KCNB2: variants seen among roughly 807,000 people sequenced by gnomAD.
The protein encoded by KCNB2 is potassium voltage-gated channel subfamily B member 2, also known as delayed rectifier potassium channel protein.
In KCNB2, 15 loss-of-function variants were observed where a neutral mutation model predicts 61.5. That is an observed-to-expected ratio of 0.24 (90% confidence interval 0.16 to 0.38). KCNB2 has a LOEUF of 0.38. KCNB2 is among the 10% of genes least tolerant of loss of function. KCNB2 has a pLI of 1.00. For synonymous variants in KCNB2, 457 were observed against 446.0 expected (o/e 1.02, Z -0.31); for missense variants, 828 against 1,125.2 (o/e 0.74, Z 3.78).
chr8:72,762,782 T>C (rs1007757017), intron 2 of KCNB2, among the ~76,000 whole-genome samples: 2 of 151,840 alleles, frequency 1.3e-5, no homozygotes, highest in African/African-American at 4.8e-5. Flanking sequence ...GCTCAATAAT[T>C]TGATGTTTCT....
At chr8:72,930,519 G>A (rs1463000908) in intron 2 of KCNB2, among the ~76,000 whole-genome samples, 1 of 152,134 alleles carries the variant, frequency 6.6e-6, no homozygotes, top group Non-Finnish European at 1.5e-5. Context: ...TTTCATTGTG[G>A]TTTTGATTTG....
At chr8:72,868,827 C>A (rs1035144363) in intron 2 of KCNB2, among the ~76,000 whole-genome samples, 6 of 152,008 alleles carry the variant, frequency 3.9e-5, no homozygotes, top group Non-Finnish European at 7.4e-5. Context: ...CACGTGTGGG[C>A]CATAGGTGCA....
chr8:72,911,175 C>T (rs1487055049), intron 2 of KCNB2, among the ~76,000 whole-genome samples: 1 of 152,166 alleles, frequency 6.6e-6, no homozygotes, highest in Admixed American at 6.5e-5. Flanking sequence ...AGCAGGAATT[C>T]CGACAACAGT....
chr8:72,813,973 A>G (rs1311414893), intron 2 of KCNB2, among the ~76,000 whole-genome samples: 1 of 152,130 alleles, frequency 6.6e-6, no homozygotes, highest in African/African-American at 2.4e-5. Context: ...CATCATTTAC[A>G]TTAGGTATTT....
chr8:72,691,360 T>A (rs1315793505), intron 2 of KCNB2, among the ~76,000 whole-genome samples: 1 of 152,200 alleles, frequency 6.6e-6, no homozygotes, highest in Non-Finnish European at 1.5e-5. Context: ...AAAAGAAAAG[T>A]CTTACGTACT....
chr8:72,617,933 G>C lies in KCNB2; in HGVS notation c.579+49620G>C, dbSNP rs191037196. 1.1e-4 allele frequency among the ~76,000 whole-genome samples: 16 copies of C among 152,256 alleles called. No homozygotes were observed. The East Asian group carries it at 3.1e-3, about 29-fold the overall frequency. On this transcript the variant is annotated intron_variant, in intron 2 of 2. Coordinates refer to ENST00000523207, the MANE Select transcript of KCNB2 (RefSeq NM_004770.3). ...CGGCGTCTGAAGCTCTTTAGTGAGG[G>C]TTATAACTATGTGGTGGAACGACTT...
intron 1 of KCNB2, among the ~76,000 whole-genome samples, chr8:72,543,610 A>G (rs1056773544): frequency 8.5e-5 from 13 of 152,356 alleles, no homozygotes; most frequent in African/African-American, 2.9e-4. Context: ...AGCACCTTCT[A>G]TCATTCCTAG....
intron 2 of KCNB2, among the ~76,000 whole-genome samples, chr8:72,920,467 A>ATATGTGTGTGTG (rs1333914273): frequency 1.5e-4 from 13 of 88,636 alleles, no homozygotes; most frequent in South Asian, 3.5e-4. Context: ...CTATCTATCT[A>ATATGTGTGTGTG]TCTATCTATA....
chr8:72,605,325 G>A lies in KCNB2; in HGVS notation c.579+37012G>A, dbSNP rs529126750. On this transcript the variant is annotated intron_variant, in intron 2 of 2. Transcript: ENST00000523207. Reference sequence around the variant, plus strand: ...CTGGTTATGTCTGGGCTACACTGGGGGCTCCACACTAGACATCATTAGGGG... The same window carrying A: ...CTGGTTATGTCTGGGCTACACTGGGAGCTCCACACTAGACATCATTAGGGG... Among the ~76,000 whole-genome samples, 11 of 152,272 alleles carry A rather than the reference G, an allele frequency of 7.2e-5. No homozygotes were observed. In the South Asian group the frequency reaches 2.3e-3, roughly 32 times the overall value.
Position 72,936,516 on chromosome 8 carries a change from T to C in KCNB2, c.1161T>C (p.Ile387=), listed in dbSNP as rs768976324. The C allele has an allele frequency of 6.2e-7, 1 of 1,614,228 alleles. No homozygotes were observed. The highest frequency in any genetic ancestry group is 1.7e-5 in the Admixed American group (1 of 60,030). The change falls in exon 3 of 3, where the codon ATT becomes ATC. Residue 387 remains isoleucine, a synonymous_variant. Coordinates refer to ENST00000523207, the MANE Select transcript of KCNB2 (RefSeq NM_004770.3). The surrounding 1 kb of genome is among the most constrained non-coding windows in gnomAD (Gnocchi z 5.6). ...TGACCACTGTTGGCTATGGTGACATTTACCCTAAAACATTACTAGGGAAAA... is the reference window on the plus strand; with the variant it reads ...TGACCACTGTTGGCTATGGTGACATCTACCCTAAAACATTACTAGGGAAAA... ...ITMTTVGYGD[I]YPKTLLGKIV...
At chr8:72,620,733 C>G (rs569355382) in intron 2 of KCNB2, among the ~76,000 whole-genome samples, 1 of 152,042 alleles carries the variant, frequency 6.6e-6, no homozygotes, top group Non-Finnish European at 1.5e-5. Context: ...CTCAGCCTCC[C>G]GAGTAGCTGA....
intron 2 of KCNB2, among the ~76,000 whole-genome samples, chr8:72,700,376 A>C (rs1219282421): frequency 1.3e-5 from 2 of 152,064 alleles, no homozygotes; most frequent in Non-Finnish European, 2.9e-5. Flanking sequence ...TTAATTAATT[A>C]ATTTAATTTA....
Position 72,568,161 on chromosome 8 carries a change from C to CA in KCNB2, c.435dup (p.Glu146ArgfsTer23). ...GTCCTGCTGCCAGGCCAGATATCAT[C>CA]AAAAAAAAGAACAAATGAACGAAGA... On this transcript the variant is annotated frameshift_variant, in exon 2 of 3. Transcript: ENST00000523207. LOFTEE classifies it high-confidence loss of function. The CA allele has an allele frequency of 3.7e-6, 6 of 1,613,078 alleles. No homozygotes were observed. Among genetic ancestry groups the CA allele is most frequent in the Non-Finnish European group, 4.2e-6 (5 of 1,179,636 alleles).
chr8:72,721,486 G>A (rs1807547895), intron 2 of KCNB2, among the ~76,000 whole-genome samples: 1 of 152,202 alleles, frequency 6.6e-6, no homozygotes, highest in Admixed American at 6.5e-5. Context: ...CTACCTAAAA[G>A]AAAGTGAGAG....
rs190192401 is a variant in KCNB2, at chr8:72,622,201, T to C, written c.579+53888T>C. Among the ~76,000 whole-genome samples the C allele has an allele frequency of 2.9e-3, 446 of 152,272 alleles. 2 individuals carry two copies. The highest frequency in any genetic ancestry group is 4.4e-3 in the Non-Finnish European group (301 of 68,004). On this transcript the variant is annotated intron_variant, in intron 2 of 2. Transcript: ENST00000523207. ...TTTGACTTTTCTGAGGCTTTTTTTGTTCTGAAAAATAGGAATCAAAATGTT... is the reference window on the plus strand; with the variant it reads ...TTTGACTTTTCTGAGGCTTTTTTTGCTCTGAAAAATAGGAATCAAAATGTT...
At chr8:72,673,948 A>T (rs894793731) in intron 2 of KCNB2, among the ~76,000 whole-genome samples, 1 of 152,224 alleles carries the variant, frequency 6.6e-6, no homozygotes, top group African/African-American at 2.4e-5. Context: ...GGTGATTTTT[A>T]TGTTAGGTAT....
At chr8:72,816,070 A>G (rs1403017161) in intron 2 of KCNB2, among the ~76,000 whole-genome samples, 2 of 152,280 alleles carry the variant, frequency 1.3e-5, no homozygotes, top group South Asian at 2.1e-4. Context: ...AGAATACTGT[A>G]TTTTATAAAG....
chr8:72,712,531 G>C (rs1351551745), intron 2 of KCNB2, among the ~76,000 whole-genome samples: 1 of 152,202 alleles, frequency 6.6e-6, no homozygotes, highest in African/African-American at 2.4e-5. Flanking sequence ...AGCTATCACT[G>C]ACTGGATGCT....
Position 72,711,072 on chromosome 8 carries a change from A to C in KCNB2, c.579+142759A>C, listed in dbSNP as rs534018735. Among the ~76,000 whole-genome samples, 78 of 152,364 alleles carry C rather than the reference A, an allele frequency of 5.1e-4. 1 individual carries two copies. In the South Asian group the frequency reaches 0.016, roughly 31 times the overall value. On this transcript the variant is annotated intron_variant, in intron 2 of 2. Coordinates refer to ENST00000523207, the MANE Select transcript of KCNB2 (RefSeq NM_004770.3). Reference sequence around the variant, plus strand: ...GCTGAGCAGAGGGGCTCTTCTGAGCATCGCTCTCACTGCAGGACCCTGACT... The same window carrying C: ...GCTGAGCAGAGGGGCTCTTCTGAGCCTCGCTCTCACTGCAGGACCCTGACT...
Sources: gnomAD v4.1 joint callset for allele counts (sites outside exome capture counted in the v4.1 genomes callset) on GRCh38, gnomAD v4.1.1 for gene constraint, Gnocchi (gnomAD v3.1) non-coding constraint, MANE v1.5 for transcripts, NCBI Gene and HGNC (gene_info 2026-07-23, HGNC 2026-07-21) for gene names.